Variants in SEZ6L observed in about 807,000 individuals in gnomAD.
SEZ6L encodes the protein seizure 6-like protein.
Under a neutral mutation model 106.2 loss-of-function variants are expected in SEZ6L, and 37 were observed. The ratio of observed to expected loss-of-function variants is 0.35; its 90% CI spans 0.27 to 0.46. SEZ6L has a LOEUF of 0.46. Ranked by LOEUF, SEZ6L falls within the 20% of genes least tolerant of loss-of-function variation. SEZ6L has a pLI of 1.00. For missense variants in SEZ6L, 1,172 were observed against 1,332.8 expected, an observed-to-expected ratio of 0.88 and a Z score of 1.88; for synonymous variants, 541 against 570.4, an observed-to-expected ratio of 0.95 and a Z score of 0.73.
intron 9 of SEZ6L, among the ~76,000 whole-genome samples, chr22:26,336,670 AT>A (rs1473985738): frequency 6.6e-6 from 1 of 152,192 alleles, no homozygotes; most frequent in Non-Finnish European, 1.5e-5. Flanking sequence ...TATATAAGTC[AT>A]GGTTTCTCGA....
At chr22:26,311,597 A>T (rs2081833126) in intron 7 of SEZ6L, among the ~76,000 whole-genome samples, 171 bp from the exon 8 acceptor site, 1 of 152,194 alleles carries the variant, frequency 6.6e-6, no homozygotes, top group African/African-American at 2.4e-5. Flanking sequence ...CAAGGAGTCA[A>T]CTGGGTGGCC....
chr22:26,375,943 C>T (rs886341767), intron 15 of SEZ6L, among the ~76,000 whole-genome samples: 2 of 152,224 alleles, frequency 1.3e-5, no homozygotes, highest in Admixed American at 1.3e-4. Context: ...TAGTGGGGCA[C>T]ACAGACATAA....
intron 5 of SEZ6L, among the ~76,000 whole-genome samples, chr22:26,300,452 G>T (rs1202968514): frequency 2.6e-5 from 4 of 152,142 alleles, no homozygotes; most frequent in African/African-American, 9.7e-5. Flanking sequence ...ATGGTTTCCA[G>T]CTTCATCCAT....
At chr22:26,225,975 T>C (rs529498069) in intron 1 of SEZ6L, among the ~76,000 whole-genome samples, 1 of 152,318 alleles carries the variant, frequency 6.6e-6, no homozygotes, top group African/African-American at 2.4e-5. Context: ...TACTCCTTGC[T>C]CTCTCTCACT....
chr22:26,301,112 C>T (rs1247364580), intron 5 of SEZ6L, among the ~76,000 whole-genome samples: 2 of 152,160 alleles, frequency 1.3e-5, no homozygotes, highest in Non-Finnish European at 2.9e-5. Flanking sequence ...AGCCATTATC[C>T]CCATTTTGCA....
In SEZ6L at chr22:26,238,391, G is replaced by A. The variant is rs190700075; in HGVS notation, c.95-54015G>A. 1.3e-4 allele frequency among the ~76,000 whole-genome samples: 20 copies of A among 152,328 alleles called. No homozygotes were observed. The East Asian group carries it at 2.1e-3, about 16-fold the overall frequency. On this transcript the variant is annotated intron_variant, in intron 1 of 16. Coordinates refer to ENST00000248933, the MANE Select transcript of SEZ6L (RefSeq NM_021115.5). ...GGAAGAAGACAAAAGTTGAGGAACC[G>A]TGTTTATGAAGATGGCCTCATGACA...
In SEZ6L at chr22:26,382,684, G is replaced by A. The variant is rs2084446927; in HGVS notation, c.*2389G>A. 1 of 152,122 alleles carries A rather than the reference G, an allele frequency of 6.6e-6. No individual in the cohort carries two copies. Among genetic ancestry groups the A allele is most frequent in the Non-Finnish European group, 1.5e-5 (1 of 67,996 alleles). 9.4% of individuals were successfully genotyped at this position (152,122 alleles called of 1,614,324 possible). A position where few individuals can be genotyped will look rare whatever the true frequency, so the allele number is the denominator to read the frequency against. ...ACAGTGTGATTGAAAAGACAGGTTGGTGTCTATTTTTCTTTTTAAAATATC... is the reference window on the plus strand; with the variant it reads ...ACAGTGTGATTGAAAAGACAGGTTGATGTCTATTTTTCTTTTTAAAATATC... On this transcript the variant is annotated 3_prime_UTR_variant, in exon 17 of 17. Coordinates refer to ENST00000248933, the MANE Select transcript of SEZ6L (RefSeq NM_021115.5).
At chr22:26,371,005 C>CAA (rs59911432) in intron 13 of SEZ6L, among the ~76,000 whole-genome samples, 3,480 of 109,918 alleles carry the variant, frequency 0.032, 156 homozygotes, top group African/African-American at 0.094. Flanking sequence ...CCCTGTATCA[C>CAA]AAAAAAAAAA....
intron 9 of SEZ6L, among the ~76,000 whole-genome samples, chr22:26,320,450 C>T (rs577328364): frequency 1.3e-5 from 2 of 152,226 alleles, no homozygotes; most frequent in Non-Finnish European, 2.9e-5. Flanking sequence ...TTAGGATTTG[C>T]AGTGACATCA....
intron 1 of SEZ6L, among the ~76,000 whole-genome samples, chr22:26,206,291 C>T (rs1395877255): frequency 2.0e-5 from 3 of 152,212 alleles, no homozygotes; most frequent in Non-Finnish European, 4.4e-5. Context: ...CCAGAACCAC[C>T]TCCTTTACCC....
intron 9 of SEZ6L, among the ~76,000 whole-genome samples, chr22:26,321,795 A>G (rs2082162676): frequency 6.6e-6 from 1 of 152,152 alleles, no homozygotes; most frequent in East Asian, 1.9e-4. Flanking sequence ...TGTGCACTGC[A>G]GACCGAGCTG....
At chr22:26,198,348 T>C (rs1211932337) in intron 1 of SEZ6L, among the ~76,000 whole-genome samples, 1 of 152,244 alleles carries the variant, frequency 6.6e-6, no homozygotes, top group Non-Finnish European at 1.5e-5. Context: ...GCTATATAAA[T>C]GTTGATTGTC....
rs961573114 is a variant in SEZ6L, at chr22:26,381,161, G to A, written c.*866G>A. 8.5e-5 allele frequency: 13 copies of A among 152,156 alleles called. No homozygotes were observed. Among genetic ancestry groups the A allele is most frequent in the African/African-American group, 3.1e-4 (13 of 41,426 alleles). The allele number at this position is 152,156 out of a possible 1,614,324, so 9.4% of individuals were successfully genotyped here. ...ATGTTCAGCAAGCCACTCTCAAGCT[G>A]TGGTAATAAACACACAGGCTTGGGA... is the stretch of plus-strand genomic sequence containing the variant. On this transcript the variant is annotated 3_prime_UTR_variant, in exon 17 of 17. Coordinates refer to ENST00000248933, the MANE Select transcript of SEZ6L (RefSeq NM_021115.5).
At chr22:26,305,854 G>T in intron 5 of SEZ6L, 125 bp from the exon 6 acceptor site, 1 of 1,023,410 alleles carries the variant, frequency 9.8e-7, no homozygotes, top group Non-Finnish European at 1.4e-6. Context: ...AGGGGCAGGG[G>T]TGGGGATCAG....
intron 1 of SEZ6L, among the ~76,000 whole-genome samples, chr22:26,237,656 G>A (rs1157263415): frequency 6.6e-6 from 1 of 152,216 alleles, no homozygotes; most frequent in Non-Finnish European, 1.5e-5. Context: ...ATACAGTGTG[G>A]AAGACAAAGC....
chr22:26,316,885 A>AAAGAGAAAGAAAG (rs1556342956), intron 9 of SEZ6L, among the ~76,000 whole-genome samples: 1 of 58,184 alleles, frequency 1.7e-5, no homozygotes, highest in Admixed American at 1.8e-4. Context: ...AGAAAGAAAG[A>AAAGAGAAAGAAAG]AAGAAAGAGA....
chr22:26,348,694 GAAAGAAA>G (rs2083144494), intron 11 of SEZ6L, among the ~76,000 whole-genome samples: 1 of 90,230 alleles, frequency 1.1e-5, no homozygotes, highest in Non-Finnish European at 2.2e-5. Flanking sequence ...AAGAAAGAAA[GAAAGAAA>G]GAAGGCAAGG....
Position 26,292,430 on chromosome 22 carries a change from G to A in SEZ6L, c.119G>A (p.Ser40Asn). The change falls in exon 2 of 17, where the codon AGC becomes AAC. Residue 40 changes from serine (S) to asparagine (N), a missense_variant. By Grantham distance (46) the Ser-to-Asn change is conservative (BLOSUM62 1). Around this residue, in one of 4 missense-constraint regions of SEZ6L, gnomAD observed 494 missense variants for 445.8 expected, o/e 1.11. Coordinates refer to ENST00000248933, the MANE Select transcript of SEZ6L (RefSeq NM_021115.5). Reference sequence around the variant, plus strand: ...GATGCTCTTCCCGAGGGAGATGCTAGCCCTTTGGGTCCTTACCTCCTGCCC... The same window carrying A: ...GATGCTCTTCCCGAGGGAGATGCTAACCCTTTGGGTCCTTACCTCCTGCCC... ...ERDALPEGDA[S>N]PLGPYLLPSG... The A allele has an allele frequency of 6.2e-7, 1 of 1,613,472 alleles. No individual in the cohort carries two copies. Among genetic ancestry groups the A allele is most frequent in the Non-Finnish European group, 8.5e-7 (1 of 1,179,720 alleles).
At chr22:26,194,464 A>G (rs1047051136) in intron 1 of SEZ6L, among the ~76,000 whole-genome samples, 14 of 152,166 alleles carry the variant, frequency 9.2e-5, no homozygotes, top group African/African-American at 3.4e-4. Context: ...GAATTCAGAA[A>G]GCCTGGCGCT....
Sources: gnomAD v4.1 joint callset for allele counts (sites outside exome capture counted in the v4.1 genomes callset) on GRCh38, gnomAD v4.1.1 for gene constraint, gnomAD v4.1.1 regional missense constraint, MANE v1.5 for transcripts, NCBI Gene and HGNC (gene_info 2026-07-23, HGNC 2026-07-21) for gene names.